The following MTHFD2L variants were observed in gnomAD, a reference collection of about 807,000 sequenced individuals.
The protein encoded by MTHFD2L is methylenetetrahydrofolate dehydrogenase (NADP+ dependent) 2 like.
In MTHFD2L, 29 loss-of-function variants were observed where a neutral mutation model predicts 34.9. The observed-to-expected ratio is 0.83, with a 90% CI of 0.62 to 1.13. MTHFD2L has a LOEUF of 1.13. MTHFD2L is among the 50% of genes most tolerant of loss of function. The pLI, the probability that MTHFD2L is intolerant of heterozygous loss-of-function variation, is 0.00. For missense variants in MTHFD2L, 481 were observed against 446.5 expected (o/e 1.08, Z -0.70); for synonymous variants, 167 against 155.7 (o/e 1.07, Z -0.54).
At chr4:74,176,617 T>C (rs922986726) in intron 3 of MTHFD2L, among the ~76,000 whole-genome samples, 1 of 152,094 alleles carries the variant, frequency 6.6e-6, no homozygotes, top group African/African-American at 2.4e-5. Context: ...GACTGGTCAC[T>C]GATCATCATC....
Position 74,171,330 on chromosome 4 carries a change from TA to T in MTHFD2L, c.144-3172del, listed in dbSNP as rs1354931214. On this transcript the variant is annotated intron_variant, in intron 1 of 7. Transcript: ENST00000325278. The stretch of plus-strand genomic sequence containing the variant: ...ATGTCCACTAAAATGTCAACAGTTT[TA>T]AAACCTGACCATCTGAAGTGATGAC... Among the ~76,000 whole-genome samples, 3 of 152,220 alleles carry T rather than the reference TA, an allele frequency of 2.0e-5. No individual in the cohort carries two copies. In the East Asian group the frequency reaches 5.8e-4, roughly 29 times the overall value.
chr4:74,193,664 G>A (rs1732968188), intron 3 of MTHFD2L, among the ~76,000 whole-genome samples: 1 of 152,010 alleles, frequency 6.6e-6, no homozygotes, highest in Admixed American at 6.6e-5. Flanking sequence ...TTACTCCTAA[G>A]CATTTTATGA....
At chr4:74,247,466 T>C (rs1439757796) in intron 6 of MTHFD2L, among the ~76,000 whole-genome samples, 1 of 152,046 alleles carries the variant, frequency 6.6e-6, no homozygotes, top group Admixed American at 6.6e-5. Context: ...TTGAATGCCC[T>C]TTATTTCCTT....
At chr4:74,145,067 G>C (rs543241030) in intron 1 of MTHFD2L, among the ~76,000 whole-genome samples, 1 of 150,918 alleles carries the variant, frequency 6.6e-6, no homozygotes, top group Non-Finnish European at 1.5e-5. Flanking sequence ...AGAATATATC[G>C]ATATAATCTT....
intron 1 of MTHFD2L, among the ~76,000 whole-genome samples, chr4:74,172,621 G>A (rs994631395): frequency 6.6e-6 from 1 of 152,198 alleles, no homozygotes; most frequent in Non-Finnish European, 1.5e-5. Context: ...AGAATCACAT[G>A]TAGGAAATTA....
upstream of MTHFD2L, among the ~76,000 whole-genome samples, chr4:74,122,651 A>G (rs185449864): frequency 1.3e-5 from 2 of 152,344 alleles, no homozygotes; most frequent in Admixed American, 1.3e-4. Context: ...GATAAATTCA[A>G]ATTGAGGAAT....
chr4:74,196,531 C>A (rs1465261290), intron 3 of MTHFD2L, among the ~76,000 whole-genome samples: 2 of 152,020 alleles, frequency 1.3e-5, no homozygotes, highest in Admixed American at 1.3e-4. Flanking sequence ...TGGAAGGTGG[C>A]ATTTTTAAAC....
intron 3 of MTHFD2L, among the ~76,000 whole-genome samples, chr4:74,176,259 A>G (rs949884452): frequency 7.9e-5 from 12 of 151,370 alleles, no homozygotes; most frequent in African/African-American, 1.9e-4. Context: ...TTCTCCTACA[A>G]CTCCATTTAC....
chr4:74,129,773 C>A (rs951499616), intron 1 of MTHFD2L, among the ~76,000 whole-genome samples: 5 of 151,084 alleles, frequency 3.3e-5, no homozygotes, highest in African/African-American at 1.2e-4. Context: ...AAAAACCCTT[C>A]AAAAAAATGA....
intron 6 of MTHFD2L, among the ~76,000 whole-genome samples, chr4:74,248,883 G>A (rs1742886932): frequency 6.6e-6 from 1 of 150,536 alleles, no homozygotes; most frequent in African/African-American, 2.4e-5. Context: ...CATTTGCTGA[G>A]GAGAGCTTTA....
intron 6 of MTHFD2L, among the ~76,000 whole-genome samples, chr4:74,241,132 A>G (rs1279083929): frequency 6.6e-6 from 1 of 152,164 alleles, no homozygotes; most frequent in African/African-American, 2.4e-5. Flanking sequence ...CAAGAATATG[A>G]GGGAAAGAGA....
chr4:74,199,669 A>AATG (rs1293715049), intron 3 of MTHFD2L, 125 bp from the exon 4 acceptor site: 1 of 729,604 alleles, frequency 1.4e-6, no homozygotes, highest in African/African-American at 1.8e-5. Context: ...TAATAATAAT[A>AATG]ATGACTTTAC....
Position 74,160,020 on chromosome 4 carries a change from T to G in MTHFD2L, c.143+1739T>G, listed in dbSNP as rs1386321425. 7.9e-6 allele frequency: 10 copies of G among 1,271,408 alleles called. No individual in the cohort carries two copies. The South Asian group carries it at 1.3e-4, about 16-fold the overall frequency. 78.8% of individuals were successfully genotyped at this position (1,271,408 alleles called of 1,614,324 possible). A position where few individuals can be genotyped will look rare whatever the true frequency, so the allele number is the denominator to read the frequency against. On this transcript the variant is annotated intron_variant, in intron 1 of 7. Transcript: ENST00000325278. ...CGGGTGGGGAGGAATTCGGACAGTG[T>G]GTTGATGCTTATTGGTGTCTCTTTT...
In MTHFD2L at chr4:74,174,651, A is replaced by G; in HGVS notation, c.289A>G (p.Thr97Ala). 11 of 1,582,926 alleles carry G rather than the reference A, an allele frequency of 6.9e-6. No individual in the cohort carries two copies. Among genetic ancestry groups the G allele is most frequent in the Non-Finnish European group, 9.4e-6 (11 of 1,166,896 alleles). ...AGTGGGAGATAACCCAGCAAGCCATACATATGTCAGGAATAAGATAAGAGC... is the reference window on the plus strand; with the variant it reads ...AGTGGGAGATAACCCAGCAAGCCATGCATATGTCAGGAATAAGATAAGAGC... ...ILVGDNPASH[T>A]YVRNKIRAAS... Residue 97 changes from threonine to alanine, a missense_variant, in exon 2 of 8, where the codon ACA (threonine) becomes GCA (alanine). Coordinates refer to ENST00000325278, the MANE Select transcript of MTHFD2L (RefSeq NM_001144978.3).
upstream of MTHFD2L, among the ~76,000 whole-genome samples, chr4:74,119,328 C>CT (rs1261376346): frequency 1.3e-5 from 2 of 152,178 alleles, no homozygotes; most frequent in African/African-American, 4.8e-5. Flanking sequence ...CTTTCCTGCA[C>CT]TGCACACTTG....
At chr4:74,295,482 A>G (rs1205417942) in intron 7 of MTHFD2L, among the ~76,000 whole-genome samples, 1 of 152,076 alleles carries the variant, frequency 6.6e-6, no homozygotes, top group Non-Finnish European at 1.5e-5. Context: ...GTGAATCTCA[A>G]TTTACTTTGT....
chr4:74,193,404 G>C (rs1436024800), intron 3 of MTHFD2L, among the ~76,000 whole-genome samples: 1 of 151,726 alleles, frequency 6.6e-6, no homozygotes, highest in African/African-American at 2.4e-5. Flanking sequence ...TTCTAACTCT[G>C]TTTTCAAGAT....
At chr4:74,164,591 G>A (rs941657649) in intron 1 of MTHFD2L, among the ~76,000 whole-genome samples, 7 of 152,274 alleles carry the variant, frequency 4.6e-5, no homozygotes, top group African/African-American at 1.4e-4. Context: ...TTGCAAACCA[G>A]CCCATGAACT....
intron 6 of MTHFD2L, among the ~76,000 whole-genome samples, chr4:74,247,838 T>A (rs899354243): frequency 2.6e-5 from 4 of 152,174 alleles, no homozygotes; most frequent in African/African-American, 9.7e-5. Flanking sequence ...GCCCACTTGA[T>A]CATGGTGGAT....
Sources: gnomAD v4.1 joint callset for allele counts (sites outside exome capture counted in the v4.1 genomes callset) on GRCh38, gnomAD v4.1.1 for gene constraint, MANE v1.5 for transcripts, NCBI Gene and HGNC (gene_info 2026-07-23, HGNC 2026-07-21) for gene names.